The following AGO3 variants were observed in gnomAD, a reference collection of about 807,000 sequenced individuals.
AGO3 encodes the protein protein argonaute-3.
AGO3 carries 16 observed loss-of-function variants against 105.5 expected under a neutral mutation model. The ratio of observed to expected loss-of-function variants is 0.15; its 90% CI spans 0.10 to 0.23. The LOEUF is 0.23. Among genes scored for constraint, AGO3 ranks in the 10% least tolerant of loss-of-function variants. AGO3 has a pLI of 1.00. For missense variants in AGO3, 534 were observed against 1,088.0 expected (o/e 0.49, Z 7.16); for synonymous variants, 340 against 367.3 (o/e 0.93, Z 0.85).
intron 2 of AGO3, among the ~76,000 whole-genome samples, chr1:35,959,262 G>A (rs112955916): frequency 1.4e-3 from 206 of 152,308 alleles, no homozygotes; most frequent in African/African-American, 4.5e-3. Flanking sequence ...TCAGAATGTA[G>A]GAAGTAGTGA....
intron 6 of AGO3, among the ~76,000 whole-genome samples, chr1:36,005,395 T>C (rs748632950): frequency 4.6e-5 from 7 of 152,166 alleles, no homozygotes; most frequent in Non-Finnish European, 1.0e-4. Flanking sequence ...AAGAGAGAGA[T>C]AGTCATTGTA....
In AGO3 at chr1:36,071,022, T is replaced by C. The variant is rs1434759444; in HGVS notation, c.*15277T>C. On this transcript the variant is annotated 3_prime_UTR_variant, in exon 19 of 19. Coordinates refer to ENST00000373191, the MANE Select transcript of AGO3 (RefSeq NM_024852.4). ...TATAACTCTGCGTATTAAGTTTATA[T>C]AGAAAAAAATAATGTCTTTCTTTAG... 4 of 152,184 alleles carry C rather than the reference T, an allele frequency of 2.6e-5. No homozygotes were observed. Among genetic ancestry groups the C allele is most frequent in the African/African-American group, 9.7e-5 (4 of 41,436 alleles). The allele number at this position is 152,184 out of a possible 1,614,324, so 9.4% of individuals were successfully genotyped here. A position where few individuals can be genotyped will look rare whatever the true frequency, so the allele number is the denominator to read the frequency against.
chr1:36,055,151 A>G lies in AGO3; in HGVS notation c.2474+6A>G, dbSNP rs1223346206. 1 of 1,582,124 alleles carries G rather than the reference A, an allele frequency of 6.3e-7. No individual in the cohort carries two copies. Among genetic ancestry groups the G allele is most frequent in the Non-Finnish European group, 8.6e-7 (1 of 1,162,470 alleles). ...GTGGACAAAGAACATGACAGGTAAT[A>G]TAAAAGCATAACAGGTTCTCACCCA... is the stretch of plus-strand genomic sequence containing the variant. On this transcript the variant is annotated splice_donor_region_variant and intron_variant, in intron 18 of 18. Coordinates refer to ENST00000373191, the MANE Select transcript of AGO3 (RefSeq NM_024852.4). This position sits in a 1 kb window ranked among gnomAD's most constrained non-coding sequence, Gnocchi z 4.4.
At chr1:35,975,609 T>C (rs1318141904) in intron 5 of AGO3, among the ~76,000 whole-genome samples, 1 of 152,142 alleles carries the variant, frequency 6.6e-6, no homozygotes, top group Non-Finnish European at 1.5e-5. Context: ...CACACATACA[T>C]ATGTATTGGT....
intron 5 of AGO3, among the ~76,000 whole-genome samples, chr1:35,984,280 A>C (rs959249637): frequency 6.6e-6 from 1 of 152,198 alleles, no homozygotes; most frequent in Non-Finnish European, 1.5e-5. Context: ...GGCTGCAGTG[A>C]GCTGTAATTG....
chr1:35,967,121 C>A, intron 3 of AGO3, 46 bp downstream of exon 3: 1 of 1,579,744 alleles, frequency 6.3e-7, no homozygotes, highest in South Asian at 1.2e-5. Flanking sequence ...TTTGAAGTGT[C>A]TCCTTTTACA....
At chr1:36,014,079 C>T in intron 11 of AGO3, 31 bp downstream of exon 11, 1 of 1,613,116 alleles carries the variant, frequency 6.2e-7, no homozygotes, top group Non-Finnish European at 8.5e-7. Flanking sequence ...GGCTTTGGGA[C>T]TTTTTTGTGT....
At chr1:36,037,502 CAGAG>C (rs1466643255) in intron 14 of AGO3, among the ~76,000 whole-genome samples, 1 of 152,022 alleles carries the variant, frequency 6.6e-6, no homozygotes, top group African/African-American at 2.4e-5. Flanking sequence ...GCCTGGGTGA[CAGAG>C]GGAGACCCCA....
chr1:35,952,672 A>G (rs1429130575), intron 2 of AGO3, among the ~76,000 whole-genome samples: 1 of 152,338 alleles, frequency 6.6e-6, no homozygotes, highest in Non-Finnish European at 1.5e-5. Context: ...CCACTGTATT[A>G]CAGTTGCCTA....
intron 11 of AGO3, among the ~76,000 whole-genome samples, chr1:36,017,317 A>G (rs763604857): frequency 8.5e-5 from 13 of 152,218 alleles, no homozygotes; most frequent in Non-Finnish European, 1.3e-4. Context: ...ATAAGAGTCT[A>G]CTTGTTTCAA....
chr1:36,057,434 A>G lies in AGO3; in HGVS notation c.*1689A>G, dbSNP rs1228917330. 2.0e-5 allele frequency: 3 copies of G among 152,020 alleles called. No homozygotes were observed. In the East Asian group the frequency reaches 5.8e-4, roughly 29 times the overall value. The allele number at this position is 152,020 out of a possible 1,614,324, so 9.4% of individuals were successfully genotyped here. A position where few individuals can be genotyped will look rare whatever the true frequency, so the allele number is the denominator to read the frequency against. Reference sequence around the variant, plus strand: ...TTTATATTTATTAGAATAGTGCTTTAATAATTATAGAATTGTATTGGCAGC... The same window carrying G: ...TTTATATTTATTAGAATAGTGCTTTGATAATTATAGAATTGTATTGGCAGC... On this transcript the variant is annotated 3_prime_UTR_variant, in exon 19 of 19. Transcript: ENST00000373191.
intron 9 of AGO3, among the ~76,000 whole-genome samples, chr1:36,010,628 T>TA (rs985798297): frequency 7.2e-6 from 1 of 138,022 alleles, no homozygotes; most frequent in African/African-American, 2.7e-5. Context: ...AAAAAGAAGG[T>TA]CGGGTGCGGT....
chr1:35,956,318 G>A (rs899642759), intron 2 of AGO3, among the ~76,000 whole-genome samples: 2 of 152,112 alleles, frequency 1.3e-5, no homozygotes, highest in East Asian at 1.9e-4. Context: ...CCAGGTTTTT[G>A]TATACTATTT....
In AGO3 at chr1:35,995,199, TAA is replaced by T. The variant is rs1295296314; in HGVS notation, c.659-9132_659-9131del. Among the ~76,000 whole-genome samples, 689 of 110,572 alleles carry T rather than the reference TAA, an allele frequency of 6.2e-3. 5 individuals are homozygous for T. The highest frequency in any genetic ancestry group is 7.9e-3 in the Non-Finnish European group (464 of 58,998). The allele number at this position is 110,572 out of a possible 152,430, so 72.5% of individuals were successfully genotyped here. A position where few individuals can be genotyped will look rare whatever the true frequency, so the allele number is the denominator to read the frequency against. On this transcript the variant is annotated intron_variant, in intron 5 of 18. Transcript: ENST00000373191. ...CTGGGCAACAGAGCAAGACACTGTCTAAAAAAAAAAATATATATATATATATA... is the reference window on the plus strand; with the variant it reads ...CTGGGCAACAGAGCAAGACACTGTCTAAAAAAAAATATATATATATATATA...
At position 36,040,135 on chromosome 1, in the gene AGO3, G is replaced by C. The variant is rs972780956; in HGVS notation, c.2037+151G>C. ...TTGTCTTTTTGAAAATGTTCACTAC[G>C]AATGTGTATGCCTTGCTTGCTAAGA... On this transcript the variant is annotated intron_variant, in intron 15 of 18. Coordinates refer to ENST00000373191, the MANE Select transcript of AGO3 (RefSeq NM_024852.4). 5 of 1,156,466 alleles carry C rather than the reference G, an allele frequency of 4.3e-6. No individual in the cohort carries two copies. In the African/African-American group the frequency reaches 6.3e-5, roughly 14 times the overall value. The allele number at this position is 1,156,466 out of a possible 1,614,324, so 71.6% of individuals were successfully genotyped here.
In AGO3 at chr1:36,070,894, T is replaced by G. The variant is rs978528199; in HGVS notation, c.*15149T>G. ...ATGGACCCATAAAAGTATTCCTATA[T>G]CTTGTGAATAAAGATCATTCTTGTG... is the stretch of plus-strand genomic sequence containing the variant. On this transcript the variant is annotated 3_prime_UTR_variant, in exon 19 of 19. Transcript: ENST00000373191. 6.6e-6 allele frequency: 1 copy of G among 152,232 alleles called. No homozygotes were observed. The highest frequency in any genetic ancestry group is 2.4e-5 in the African/African-American group (1 of 41,460). The allele number at this position is 152,232 out of a possible 1,614,324, so 9.4% of individuals were successfully genotyped here.
At chr1:35,986,857 G>A (rs189932198) in intron 5 of AGO3, among the ~76,000 whole-genome samples, 97 of 151,856 alleles carry the variant, frequency 6.4e-4, no homozygotes, top group African/African-American at 2.2e-3. Flanking sequence ...TTAACCAGGC[G>A]TGATGGTGCA....
rs1642879689 is a variant in AGO3 at position 36,055,304 on chromosome 1, C to G, written c.2474+159C>G. ...TTCCTATTGAAATATATTGTCTAGG[C>G]TCATTAGTAATAGAATCATGTAGTA... On this transcript the variant is annotated intron_variant, in intron 18 of 18. Coordinates refer to ENST00000373191, the MANE Select transcript of AGO3 (RefSeq NM_024852.4). The surrounding 1 kb of genome is among the most constrained non-coding windows in gnomAD (Gnocchi z 4.4). 1.4e-6 allele frequency: 1 copy of G among 717,944 alleles called. No homozygotes were observed. Among genetic ancestry groups the G allele is most frequent in the Non-Finnish European group, 2.3e-6 (1 of 441,012 alleles). The allele number at this position is 717,944 out of a possible 1,614,324, so 44.5% of individuals were successfully genotyped here.
In AGO3 at chr1:36,022,472, T is replaced by C. The variant is rs926675851; in HGVS notation, c.1407-4642T>C. 2.6e-5 allele frequency among the ~76,000 whole-genome samples: 4 copies of C among 152,196 alleles called. No individual in the cohort carries two copies. The East Asian group carries it at 7.7e-4, about 29-fold the overall frequency. On this transcript the variant is annotated intron_variant, in intron 11 of 18. Coordinates refer to ENST00000373191, the MANE Select transcript of AGO3 (RefSeq NM_024852.4). Reference sequence around the variant, plus strand: ...ACCATTTCAGTAAGTGTTTGCTGCTTTAGGGTCCTAACATTTATGAGTGTA... The same window carrying C: ...ACCATTTCAGTAAGTGTTTGCTGCTCTAGGGTCCTAACATTTATGAGTGTA...
Sources: gnomAD v4.1 joint callset for allele counts (sites outside exome capture counted in the v4.1 genomes callset) on GRCh38, gnomAD v4.1.1 for gene constraint, Gnocchi (gnomAD v3.1) non-coding constraint, MANE v1.5 for transcripts, NCBI Gene and HGNC (gene_info 2026-07-23, HGNC 2026-07-21) for gene names.